ATP8A1: variants seen among roughly 807,000 people sequenced by gnomAD.
ATP8A1 encodes the protein ATPase phospholipid transporting 8A1, also known as phospholipid-transporting ATPase IA.
Under a neutral mutation model 177.7 loss-of-function variants are expected in ATP8A1, and 90 were observed. That is an observed-to-expected ratio of 0.51 (90% CI 0.43 to 0.60). ATP8A1 has a LOEUF of 0.60. Among genes scored for constraint, ATP8A1 ranks in the 20% least tolerant of loss-of-function variants. The pLI is 0.00. For synonymous variants in ATP8A1, 493 were observed against 485.9 expected (o/e 1.01, Z -0.19); for missense variants, 1,072 against 1,392.8 (o/e 0.77, Z 3.67).
At chr4:42,444,261 C>T (rs965719605) in intron 32 of ATP8A1, among the ~76,000 whole-genome samples, 1 of 152,162 alleles carries the variant, frequency 6.6e-6, no homozygotes, top group Admixed American at 6.5e-5. Context: ...AGTCCAGTGA[C>T]ACCTCTAAGA....
intron 1 of ATP8A1, chr4:42,637,312 A>G (rs570835888): frequency 2.1e-6 from 1 of 469,492 alleles, no homozygotes; most frequent in African/African-American, 2.0e-5. Flanking sequence ...CTCTGAGTCC[A>G]GCACGTTCTG....
At chr4:42,429,838 C>A (rs781565681) in intron 33 of ATP8A1, among the ~76,000 whole-genome samples, 13 of 152,128 alleles carry the variant, frequency 8.5e-5, no homozygotes, top group Non-Finnish European at 1.3e-4. Flanking sequence ...ATGGATGAAC[C>A]CTGAATACAT....
At chr4:42,458,237 C>G (rs1383316816) in intron 27 of ATP8A1, among the ~76,000 whole-genome samples, 1 of 152,208 alleles carries the variant, frequency 6.6e-6, no homozygotes, top group Admixed American at 6.5e-5. Context: ...AGTACCTCCT[C>G]TAATTCAACC....
Position 42,451,968 on chromosome 4 carries a change from C to A in ATP8A1, c.2896+13G>T, listed in dbSNP as rs200165067. 7.0e-6 allele frequency: 11 copies of A among 1,577,942 alleles called. No individual in the cohort carries two copies. The highest frequency in any genetic ancestry group is 2.2e-5 in the East Asian group (1 of 44,462). On this transcript the variant is annotated intron_variant, in intron 30 of 36. Coordinates refer to ENST00000381668, the MANE Select transcript of ATP8A1 (RefSeq NM_006095.2). Reference sequence around the variant, plus strand: ...AAAAGTCATCTCTTTGCATTCATATCCCTTCTACTTACCATACTGAAGGGC... The same window carrying A: ...AAAAGTCATCTCTTTGCATTCATATACCTTCTACTTACCATACTGAAGGGC...
rs754291313 is a variant in ATP8A1 at position 42,414,592 on chromosome 4, G to T, written c.3397+35C>A. On this transcript the variant is annotated intron_variant, in intron 36 of 36. Coordinates refer to ENST00000381668, the MANE Select transcript of ATP8A1 (RefSeq NM_006095.2). ...AATGCTATGATACAGCAATGGCAGAGAATTTATTTAAAAATAAGAAACTCA... is the reference window on the plus strand; with the variant it reads ...AATGCTATGATACAGCAATGGCAGATAATTTATTTAAAAATAAGAAACTCA... 2.2e-5 allele frequency: 34 copies of T among 1,540,522 alleles called. No homozygotes were observed. The South Asian group carries it at 2.5e-4, about 11-fold the overall frequency.
intron 1 of ATP8A1, among the ~76,000 whole-genome samples, chr4:42,631,540 A>G (rs1282440492): frequency 6.6e-6 from 1 of 152,206 alleles, no homozygotes; most frequent in Non-Finnish European, 1.5e-5. Context: ...CAATCCTGCT[A>G]AAGGGGTAGA....
chr4:42,539,177 G>A (rs999554802), intron 20 of ATP8A1, among the ~76,000 whole-genome samples: 1 of 151,894 alleles, frequency 6.6e-6, no homozygotes, highest in South Asian at 2.1e-4. Context: ...AACATCATAT[G>A]TTCTCACTCA....
intron 35 of ATP8A1, among the ~76,000 whole-genome samples, chr4:42,419,741 C>A (rs1261120130): frequency 6.6e-6 from 1 of 152,234 alleles, no homozygotes; most frequent in African/African-American, 2.4e-5. Flanking sequence ...CAGTGGCCCA[C>A]GCCTGTAATC....
chr4:42,529,621 C>G (rs187450993), intron 20 of ATP8A1, among the ~76,000 whole-genome samples: 1 of 152,250 alleles, frequency 6.6e-6, no homozygotes, highest in East Asian at 1.9e-4. Flanking sequence ...CAGCCTGCAC[C>G]GATGGCCTCA....
chr4:42,623,754 A>G (rs73166552), intron 4 of ATP8A1, among the ~76,000 whole-genome samples: 2,797 of 152,218 alleles, frequency 0.018, 83 homozygotes, highest in African/African-American at 0.062. Context: ...TAACTAATAG[A>G]TGCTCGGTTT....
chr4:42,504,432 CG>C (rs2153193651), intron 23 of ATP8A1, among the ~76,000 whole-genome samples: 1 of 152,348 alleles, frequency 6.6e-6, no homozygotes, highest in East Asian at 1.9e-4. Flanking sequence ...TTCCATCCTT[CG>C]GATGCTAAGG....
intron 6 of ATP8A1, among the ~76,000 whole-genome samples, chr4:42,595,520 C>A (rs1303355646): frequency 5.9e-5 from 9 of 152,110 alleles, no homozygotes; most frequent in Admixed American, 5.9e-4. Context: ...GAATCAAACA[C>A]CCCCTACCTC....
chr4:42,558,536 T>C (rs1262598278), intron 15 of ATP8A1, among the ~76,000 whole-genome samples: 1 of 152,210 alleles, frequency 6.6e-6, no homozygotes, highest in Non-Finnish European at 1.5e-5. Context: ...AAATGAAGAA[T>C]CTCTATAGCA....
intron 7 of ATP8A1, among the ~76,000 whole-genome samples, chr4:42,589,743 T>C (rs1428234959): frequency 6.6e-6 from 1 of 152,196 alleles, no homozygotes; most frequent in African/African-American, 2.4e-5. Context: ...AAACATAGTT[T>C]ATGAATTTAT....
chr4:42,520,681 A>G (rs1726025859), intron 22 of ATP8A1, among the ~76,000 whole-genome samples: 1 of 152,198 alleles, frequency 6.6e-6, no homozygotes, highest in Non-Finnish European at 1.5e-5. Flanking sequence ...ATGCTGGAAG[A>G]CACCATACAT....
intron 10 of ATP8A1, among the ~76,000 whole-genome samples, chr4:42,580,779 T>C (rs1732955252): frequency 1.3e-5 from 2 of 152,202 alleles, no homozygotes; most frequent in African/African-American, 2.4e-5. Flanking sequence ...CATCTGACTA[T>C]TGAATATTGA....
intron 7 of ATP8A1, among the ~76,000 whole-genome samples, chr4:42,589,333 G>A (rs1353807429): frequency 6.6e-6 from 1 of 152,118 alleles, no homozygotes; most frequent in Non-Finnish European, 1.5e-5. Context: ...ATAAGCATGT[G>A]TACTCAAAGC....
At chr4:42,437,558 A>T (rs1716133906) in intron 33 of ATP8A1, among the ~76,000 whole-genome samples, 1 of 152,106 alleles carries the variant, frequency 6.6e-6, no homozygotes, top group South Asian at 2.1e-4. Flanking sequence ...ATGATTTCTT[A>T]TTGTTGCATT....
intron 2 of ATP8A1, 117 bp downstream of exon 2, chr4:42,626,878 C>G: frequency 1.4e-6 from 1 of 738,368 alleles, no homozygotes; most frequent in Non-Finnish European, 2.4e-6. Flanking sequence ...ACACTGCCAA[C>G]AGGGAGCTCT....
Sources: allele counts gnomAD v4.1 joint callset (sites outside exome capture counted in the v4.1 genomes callset), GRCh38; gene constraint gnomAD v4.1.1; transcripts MANE v1.5; gene names NCBI Gene and HGNC (gene_info 2026-07-23, HGNC 2026-07-21).